The following PLEKHM3 variants were observed in gnomAD, a reference collection of about 807,000 sequenced individuals.
PLEKHM3 encodes pleckstrin homology domain-containing family M member 3.
PLEKHM3 carries 45 observed loss-of-function variants against 81.8 expected under a neutral mutation model. The observed-to-expected ratio is 0.55, with a 90% CI of 0.43 to 0.71. The LOEUF (loss-of-function observed/expected upper bound fraction) is 0.71, where lower values mean the gene tolerates loss of function less well. Ranked by LOEUF, PLEKHM3 falls within the 30% of genes least tolerant of loss-of-function variation. The pLI is 0.00. For synonymous variants in PLEKHM3, 352 were observed against 356.4 expected, an observed-to-expected ratio of 0.99 and a Z score of 0.14; for missense variants, 788 against 924.3, an observed-to-expected ratio of 0.85 and a Z score of 1.91.
At chr2:207,975,629 C>T (rs1574460287) in intron 3 of PLEKHM3, among the ~76,000 whole-genome samples, 1 of 112,944 alleles carries the variant, frequency 8.9e-6, no homozygotes, top group African/African-American at 3.6e-5. Context: ...GTCGCTCTGT[C>T]GCCCAGGCTG....
chr2:208,002,424 C>A (rs1373330800), intron 1 of PLEKHM3, among the ~76,000 whole-genome samples: 1 of 152,090 alleles, frequency 6.6e-6, no homozygotes, highest in African/African-American at 2.4e-5. Context: ...GAGGTTCTGC[C>A]CTTTTTTTAA....
chr2:207,945,958 AC>A lies in PLEKHM3; in HGVS notation c.1692+408del, dbSNP rs375954118. Among the ~76,000 whole-genome samples, 337 of 152,112 alleles carry A rather than the reference AC, an allele frequency of 2.2e-3. 4 individuals carry two copies. Among genetic ancestry groups the A allele is most frequent in the African/African-American group, 7.8e-3 (324 of 41,522 alleles). Reference sequence around the variant, plus strand: ...AAAACAAAACAAAACAACAAAACAAACAAACAAAAGAAATATCTTGGATTAT... The same window carrying A: ...AAAACAAAACAAAACAACAAAACAAAAAACAAAAGAAATATCTTGGATTAT... On this transcript the variant is annotated intron_variant, in intron 4 of 7. Coordinates refer to ENST00000427836, the MANE Select transcript of PLEKHM3 (RefSeq NM_001080475.3).
intron 3 of PLEKHM3, among the ~76,000 whole-genome samples, chr2:207,967,360 C>T (rs937199128): frequency 2.6e-5 from 4 of 152,166 alleles, no homozygotes; most frequent in African/African-American, 9.7e-5. Flanking sequence ...CATTTGTATG[C>T]CCACATGGGC....
intron 1 of PLEKHM3, among the ~76,000 whole-genome samples, chr2:208,012,247 G>C (rs1286757328): frequency 6.6e-6 from 1 of 152,136 alleles, no homozygotes. Flanking sequence ...GTTTCACCGT[G>C]TTAGCCAGGA....
At chr2:207,964,168 C>T (rs1311622830) in intron 3 of PLEKHM3, among the ~76,000 whole-genome samples, 6 of 151,658 alleles carry the variant, frequency 4.0e-5, no homozygotes, top group African/African-American at 7.3e-5. Flanking sequence ...GCTGAGATCA[C>T]GCCACTGCAC....
At chr2:207,849,908 T>C (rs780359854) in intron 7 of PLEKHM3, among the ~76,000 whole-genome samples, 2 of 152,242 alleles carry the variant, frequency 1.3e-5, no homozygotes, top group Non-Finnish European at 2.9e-5. Context: ...ACAGAATACC[T>C]GAGACAGGGA....
At chr2:207,874,349 C>T (rs1388478294) in intron 6 of PLEKHM3, among the ~76,000 whole-genome samples, 8 of 151,920 alleles carry the variant, frequency 5.3e-5, no homozygotes, top group African/African-American at 9.7e-5. Flanking sequence ...CCGAGGTGGG[C>T]GGATCACCTG....
intron 6 of PLEKHM3, among the ~76,000 whole-genome samples, chr2:207,893,020 C>G (rs780486360): frequency 5.3e-5 from 8 of 152,160 alleles, no homozygotes; most frequent in Non-Finnish European, 1.2e-4. Flanking sequence ...GTGTAAAGAC[C>G]ACTGCATGTC....
Position 208,001,097 on chromosome 2 carries a change from C to A in PLEKHM3, c.543G>T (p.Pro181=), listed in dbSNP as rs781448790. 1 of 1,580,202 alleles carries A rather than the reference C, an allele frequency of 6.3e-7. No individual in the cohort carries two copies. The highest frequency in any genetic ancestry group is 1.9e-5 in the Admixed American group (1 of 53,916). The change falls in exon 2 of 8, where the codon CCG becomes CCT. Residue 181 remains proline (P), a synonymous_variant. Transcript: ENST00000427836. ...QQQQQPLLQG[P]HVTRPSFLLP... is the part of the protein sequence containing the mutation. ...ACAGAAAAGATGGCCTGGTGACATG[C>A]GGGCCTTGAAGCAATGGCTGCTGCT...
intron 3 of PLEKHM3, among the ~76,000 whole-genome samples, chr2:207,970,695 C>A (rs1691089910): frequency 6.6e-6 from 1 of 152,122 alleles, no homozygotes; most frequent in Admixed American, 6.6e-5. Flanking sequence ...GGGATTTGTA[C>A]CTCCTGTAAG....
At chr2:207,920,886 G>A (rs1337085316) in intron 5 of PLEKHM3, among the ~76,000 whole-genome samples, 2 of 152,042 alleles carry the variant, frequency 1.3e-5, no homozygotes, top group Non-Finnish European at 2.9e-5. Flanking sequence ...GGTTCTCCAC[G>A]GCTGATCAAG....
intron 6 of PLEKHM3, among the ~76,000 whole-genome samples, chr2:207,894,300 C>T (rs1462322266): frequency 1.3e-5 from 2 of 152,076 alleles, no homozygotes; most frequent in African/African-American, 2.4e-5. Context: ...TTTTGACCAC[C>T]GTGGCACCAG....
intron 5 of PLEKHM3, among the ~76,000 whole-genome samples, chr2:207,924,466 C>T (rs1045132393): frequency 4.0e-5 from 6 of 151,810 alleles, no homozygotes; most frequent in Non-Finnish European, 8.8e-5. Context: ...AGGTGGATCA[C>T]TTGAGGTCAG....
intron 2 of PLEKHM3, among the ~76,000 whole-genome samples, chr2:207,994,527 G>A (rs1432336971): frequency 7.9e-5 from 12 of 151,026 alleles, no homozygotes; most frequent in Admixed American, 7.9e-4. Flanking sequence ...GAGTTGACTT[G>A]TAAGAAATCA....
intron 1 of PLEKHM3, among the ~76,000 whole-genome samples, chr2:208,014,487 T>C (rs1237869502): frequency 6.6e-6 from 1 of 152,128 alleles, no homozygotes; most frequent in Non-Finnish European, 1.5e-5. Context: ...CTACTAAAAA[T>C]ACAAAAGTTA....
intron 6 of PLEKHM3, among the ~76,000 whole-genome samples, chr2:207,883,315 C>G (rs1304577600): frequency 1.3e-5 from 2 of 152,172 alleles, no homozygotes; most frequent in Non-Finnish European, 2.9e-5. Context: ...ATCAAAACAT[C>G]AGAGTCCAAT....
intron 1 of PLEKHM3, among the ~76,000 whole-genome samples, chr2:208,015,411 G>T (rs1692870725): frequency 6.6e-6 from 1 of 152,096 alleles, no homozygotes; most frequent in African/African-American, 2.4e-5. Flanking sequence ...TTAATCCCAT[G>T]ACCCAGAGAG....
chr2:207,915,751 G>A (rs953505388), intron 5 of PLEKHM3, among the ~76,000 whole-genome samples: 1 of 152,110 alleles, frequency 6.6e-6, no homozygotes, highest in Non-Finnish European at 1.5e-5. Context: ...TAAAGAATAC[G>A]GATAAAGATG....
chr2:207,966,187 T>A (rs1433120256), intron 3 of PLEKHM3, among the ~76,000 whole-genome samples: 1 of 152,252 alleles, frequency 6.6e-6, no homozygotes, highest in Non-Finnish European at 1.5e-5. Context: ...TAGCACATAG[T>A]AAGGCTTCCA....
Sources: gnomAD v4.1 joint callset for allele counts (sites outside exome capture counted in the v4.1 genomes callset) on GRCh38, gnomAD v4.1.1 for gene constraint, MANE v1.5 for transcripts, NCBI Gene and HGNC (gene_info 2026-07-23, HGNC 2026-07-21) for gene names.